Variants in TTLL11 observed in about 807,000 individuals in gnomAD.
TTLL11 encodes tubulin polyglutamylase TTLL11.
Under a neutral mutation model 51.7 loss-of-function variants are expected in TTLL11, and 42 were observed. The observed-to-expected ratio is 0.81, with a 90% CI of 0.64 to 1.05. The LOEUF (loss-of-function observed/expected upper bound fraction) is 1.05, where lower values mean the gene tolerates loss of function less well. Ranked by LOEUF, TTLL11 falls within the 50% of genes least tolerant of loss-of-function variation. TTLL11 has a pLI of 0.00. For synonymous variants in TTLL11, 381 were observed against 383.5 expected (o/e 0.99, Z 0.08); for missense variants, 799 against 940.4 (o/e 0.85, Z 1.97).
rs5900505 is a variant in TTLL11 at position 122,006,340 on chromosome 9, C to CAAAAAA, written c.694-16576_694-16571dup. Among the ~76,000 whole-genome samples, 558 of 138,900 alleles carry CAAAAAA rather than the reference C, an allele frequency of 4.0e-3. 4 individuals are homozygous for CAAAAAA. Among genetic ancestry groups the CAAAAAA allele is most frequent in the African/African-American group, 0.014 (545 of 38,352 alleles). 91.1% of individuals were successfully genotyped at this position (138,900 alleles called of 152,430 possible). On this transcript the variant is annotated intron_variant, in intron 3 of 8. Transcript: ENST00000321582. Reference sequence around the variant, plus strand: ...CCTGGGTAACAGAGTGAGACTATCTCAAAAAAAAAAAAAGAATTATGTAAA... The same window carrying CAAAAAA: ...CCTGGGTAACAGAGTGAGACTATCTCAAAAAAAAAAAAAAAAAAAGAATTATGTAAA...
Position 122,064,880 on chromosome 9 carries a change from G to A in TTLL11, c.463-25512C>T, listed in dbSNP as rs369410823. On this transcript the variant is annotated intron_variant, in intron 1 of 8. Transcript: ENST00000321582. ...TTAGAACACTCAGTTATGTGTCCAA[G>A]ATTAACCCAATTTATAAGGGGCAGC... is the stretch of plus-strand genomic sequence containing the variant. Among the ~76,000 whole-genome samples the A allele has an allele frequency of 1.3e-4, 20 of 152,236 alleles. 1 individual carries two copies. The highest frequency in any genetic ancestry group is 4.8e-4 in the African/African-American group (20 of 41,546).
At chr9:121,988,263 C>G (rs1207811404) in intron 4 of TTLL11, among the ~76,000 whole-genome samples, 1 of 152,160 alleles carries the variant, frequency 6.6e-6, no homozygotes, top group African/African-American at 2.4e-5. Context: ...CACTTCCAGC[C>G]TTGTCTCAGT....
At chr9:121,891,322 G>A (rs1289028469) in intron 6 of TTLL11, among the ~76,000 whole-genome samples, 3 of 152,176 alleles carry the variant, frequency 2.0e-5, no homozygotes, top group Admixed American at 6.5e-5. Flanking sequence ...CTCCTGCAGG[G>A]TTGCCCGAGG....
In TTLL11 at chr9:121,816,501, T is replaced by C. The variant is rs1836409016; in HGVS notation, c.*6086A>G. ...CAGAAATGAGAAAAACATCGTAATT[T>C]TGCCATTTTCTACCAAAGCTCAACG... On this transcript the variant is annotated 3_prime_UTR_variant, in exon 9 of 9. Transcript: ENST00000321582. 1 of 152,272 alleles carries C rather than the reference T, an allele frequency of 6.6e-6. No homozygotes were observed. Among genetic ancestry groups the C allele is most frequent in the Admixed American group, 6.5e-5 (1 of 15,288 alleles). The allele number at this position is 152,272 out of a possible 1,614,324, so 9.4% of individuals were successfully genotyped here.
chr9:121,985,795 C>T (rs1842927483), intron 4 of TTLL11, among the ~76,000 whole-genome samples: 1 of 152,166 alleles, frequency 6.6e-6, no homozygotes, highest in Admixed American at 6.5e-5. Flanking sequence ...GCTGGGATTA[C>T]AGGCGTGAGC....
chr9:121,979,264 G>A (rs990337952), intron 4 of TTLL11, among the ~76,000 whole-genome samples: 1 of 152,172 alleles, frequency 6.6e-6, no homozygotes, highest in Non-Finnish European at 1.5e-5. Flanking sequence ...TGGAGGAGGA[G>A]CTTTCCCCAG....
intron 7 of TTLL11, among the ~76,000 whole-genome samples, chr9:121,869,135 C>A (rs76960065): frequency 0.013 from 2,005 of 152,302 alleles, 47 homozygotes; most frequent in Non-Finnish European, 0.021. Flanking sequence ...CCCCACCCTG[C>A]CCTACCTCCT....
chr9:121,891,959 G>GAT (rs200588786), intron 6 of TTLL11, among the ~76,000 whole-genome samples: 1,873 of 144,666 alleles, frequency 0.013, 39 homozygotes, highest in African/African-American at 0.045. Context: ...ATATATATGA[G>GAT]ATATATATAT....
chr9:121,973,972 G>C (rs1199358234), intron 6 of TTLL11, 37 bp downstream of exon 6: 1 of 1,495,108 alleles, frequency 6.7e-7, no homozygotes, highest in East Asian at 2.5e-5. Flanking sequence ...TTAGGAGGCA[G>C]AGTTGATAGA....
chr9:121,855,777 G>A (rs1837797911), intron 8 of TTLL11, among the ~76,000 whole-genome samples: 1 of 152,176 alleles, frequency 6.6e-6, no homozygotes, highest in Admixed American at 6.5e-5. Flanking sequence ...AACATTAACT[G>A]GGCACTGGGC....
intron 6 of TTLL11, among the ~76,000 whole-genome samples, chr9:121,882,795 G>C (rs1004595532): frequency 1.3e-5 from 2 of 152,074 alleles, no homozygotes; most frequent in African/African-American, 2.4e-5. Context: ...AGCCTTCCTG[G>C]ATCCTTCCCA....
intron 6 of TTLL11, among the ~76,000 whole-genome samples, chr9:121,942,711 T>C (rs1841523399): frequency 6.8e-6 from 1 of 146,290 alleles, no homozygotes; most frequent in African/African-American, 2.5e-5. Flanking sequence ...TGCTACTCCC[T>C]CCCTCCTCAC....
At chr9:121,987,334 T>C (rs1039596214) in intron 4 of TTLL11, among the ~76,000 whole-genome samples, 35 of 152,166 alleles carry the variant, frequency 2.3e-4, no homozygotes, top group African/African-American at 7.7e-4. Context: ...AAAATGACTT[T>C]AAGGATTAGA....
Position 121,820,518 on chromosome 9 carries a change from G to A in TTLL11, c.*2069C>T, listed in dbSNP as rs1026196463. On this transcript the variant is annotated 3_prime_UTR_variant, in exon 9 of 9. Transcript: ENST00000321582. ...TTGTCCCATGCCACCAGACCATGAC[G>A]GACCCCAGGCAGCCCCGAGCGGGGT... Among the ~76,000 whole-genome samples the A allele has an allele frequency of 1.3e-5, 2 of 152,146 alleles. No homozygotes were observed. Among genetic ancestry groups the A allele is most frequent in the African/African-American group, 4.8e-5 (2 of 41,438 alleles).
chr9:121,932,058 C>T (rs184560742), intron 6 of TTLL11, among the ~76,000 whole-genome samples: 15 of 152,296 alleles, frequency 9.8e-5, no homozygotes, highest in Admixed American at 6.5e-4. Context: ...ATAGCCTCAG[C>T]GCACCTTGTT....
chr9:121,983,749 T>C (rs1433289165), intron 4 of TTLL11, among the ~76,000 whole-genome samples: 1 of 152,146 alleles, frequency 6.6e-6, no homozygotes, highest in African/African-American at 2.4e-5. Context: ...GACCCTCTCA[T>C]AGCATTTCTT....
In TTLL11 at chr9:121,886,284, AC is replaced by A. The variant is rs371802747; in HGVS notation, c.1482-15537del. 6.5e-4 allele frequency among the ~76,000 whole-genome samples: 99 copies of A among 152,270 alleles called. 2 individuals are homozygous for A. In the East Asian group the frequency reaches 8.1e-3, roughly 12 times the overall value. The stretch of plus-strand genomic sequence containing the variant: ...CCCCAGAAGATATATCCAAGTCCTA[AC>A]CCCTGAAACCTGTGAATGTGACCTT... On this transcript the variant is annotated intron_variant, in intron 6 of 8. Coordinates refer to ENST00000321582, the MANE Select transcript of TTLL11 (RefSeq NM_001139442.2).
chr9:121,970,791 C>T (rs1349263624), intron 6 of TTLL11, among the ~76,000 whole-genome samples: 2 of 152,284 alleles, frequency 1.3e-5, no homozygotes, highest in East Asian at 1.9e-4. Flanking sequence ...GACAGTGTGG[C>T]GATTCCTCAA....
chr9:121,964,730 G>A (rs1311350150), intron 6 of TTLL11, among the ~76,000 whole-genome samples: 2 of 152,098 alleles, frequency 1.3e-5, no homozygotes, highest in Admixed American at 6.5e-5. Flanking sequence ...TCCCCCAACA[G>A]AGCCTTGTGC....
Sources: allele counts gnomAD v4.1 joint callset (sites outside exome capture counted in the v4.1 genomes callset), GRCh38; gene constraint gnomAD v4.1.1; transcripts MANE v1.5; gene names NCBI Gene and HGNC (gene_info 2026-07-23, HGNC 2026-07-21).